CNTN3: variants seen among roughly 807,000 people sequenced by gnomAD.
The protein encoded by CNTN3 is contactin-3.
In CNTN3, 60 loss-of-function variants were observed where a neutral mutation model predicts 119.1. The ratio of observed to expected loss-of-function variants is 0.50; its 90% CI spans 0.41 to 0.62. The LOEUF (loss-of-function observed/expected upper bound fraction) is 0.62, where lower values mean the gene tolerates loss of function less well. Ranked by LOEUF, CNTN3 falls within the 20% of genes least tolerant of loss-of-function variation. The probability of loss-of-function intolerance (pLI) is 0.00; values close to 1 mark genes in which losing one functional copy is unlikely to be tolerated. For missense variants in CNTN3, 1,101 were observed against 1,242.4 expected, an observed-to-expected ratio of 0.89 and a Z score of 1.71; for synonymous variants, 450 against 438.7, an observed-to-expected ratio of 1.03 and a Z score of -0.32.
At chr3:74,580,051 G>A (rs746090255) in intron 1 of CNTN3, among the ~76,000 whole-genome samples, 1 of 152,026 alleles carries the variant, frequency 6.6e-6, no homozygotes, top group East Asian at 1.9e-4. Context: ...GGATGAAAAG[G>A]GCAACATCAC....
intron 5 of CNTN3, among the ~76,000 whole-genome samples, chr3:74,376,529 C>T (rs1559570881): frequency 6.6e-6 from 1 of 152,136 alleles, no homozygotes; most frequent in Non-Finnish European, 1.5e-5. Flanking sequence ...TCCCATCACC[C>T]CTAGATGGGG....
intron 3 of CNTN3, among the ~76,000 whole-genome samples, chr3:74,498,591 A>G (rs749386458): frequency 3.3e-5 from 5 of 151,810 alleles, no homozygotes; most frequent in Non-Finnish European, 5.9e-5. Flanking sequence ...CAAAAATACA[A>G]AACCTACCTT....
At chr3:74,341,987 C>T (rs1310545851) in intron 11 of CNTN3, among the ~76,000 whole-genome samples, 1 of 152,002 alleles carries the variant, frequency 6.6e-6, no homozygotes, top group South Asian at 2.1e-4. Context: ...CACATGAGAT[C>T]GTAATGATTA....
intron 1 of CNTN3, among the ~76,000 whole-genome samples, chr3:74,552,345 G>C (rs1407794518): frequency 6.6e-6 from 1 of 152,198 alleles, no homozygotes; most frequent in Non-Finnish European, 1.5e-5. Context: ...CTTTCGGAAA[G>C]AGTATGCCTC....
At chr3:74,560,717 A>G (rs1704139644) in intron 1 of CNTN3, among the ~76,000 whole-genome samples, 7 of 152,112 alleles carry the variant, frequency 4.6e-5, no homozygotes, top group Admixed American at 4.6e-4. Context: ...ATAAAGACAC[A>G]TGCACACATA....
chr3:74,507,037 A>ACT (rs5850181), intron 2 of CNTN3, among the ~76,000 whole-genome samples: 119,486 of 151,904 alleles, frequency 0.79, 47,205 homozygotes, highest in Middle Eastern at 0.83. Flanking sequence ...TTCATATCAA[A>ACT]CTAGTTCAAG....
At chr3:74,607,256 A>G (rs1216109555) in intron 1 of CNTN3, among the ~76,000 whole-genome samples, 1 of 152,154 alleles carries the variant, frequency 6.6e-6, no homozygotes, top group Non-Finnish European at 1.5e-5. Context: ...AGTAATTGGT[A>G]ATCAGCAACT....
chr3:74,453,969 GA>G (rs1201800287), intron 4 of CNTN3, among the ~76,000 whole-genome samples: 11 of 151,446 alleles, frequency 7.3e-5, no homozygotes, highest in African/African-American at 1.9e-4. Flanking sequence ...GTGTGGTGCT[GA>G]AAAAAATGTA....
intron 1 of CNTN3, among the ~76,000 whole-genome samples, chr3:74,562,724 T>A (rs1034780208): frequency 2.0e-5 from 3 of 152,090 alleles, no homozygotes; most frequent in African/African-American, 7.2e-5. Flanking sequence ...TCAGAATGCT[T>A]TCTCCCAAGT....
At chr3:74,483,043 A>G (rs1409269231) in intron 4 of CNTN3, among the ~76,000 whole-genome samples, 1 of 152,142 alleles carries the variant, frequency 6.6e-6, no homozygotes, top group Non-Finnish European at 1.5e-5. Context: ...ATGTGGTGTC[A>G]GGTGAAGAAT....
At chr3:74,334,637 C>A (rs886192439) in intron 13 of CNTN3, 98 bp downstream of exon 13, 16 of 1,102,140 alleles carry the variant, frequency 1.5e-5, no homozygotes, top group Non-Finnish European at 1.9e-5. Context: ...ATTTAGAAAA[C>A]ATTTCTAGAG....
chr3:74,502,131 CATCATTTTTTTCTGACAA>C (rs1703177015), intron 2 of CNTN3, among the ~76,000 whole-genome samples: 1 of 152,024 alleles, frequency 6.6e-6, no homozygotes, highest in Non-Finnish European at 1.5e-5. Context: ...GATGGGATAG[CATCATTTTTTTCTGACAA>C]ATTCTGATGT....
chr3:74,447,817 T>C (rs917926017), intron 4 of CNTN3, among the ~76,000 whole-genome samples: 1 of 152,200 alleles, frequency 6.6e-6, no homozygotes, highest in Non-Finnish European at 1.5e-5. Context: ...AGGACTCACC[T>C]GGACCCCAGG....
At chr3:74,394,931 G>T (rs1705008139) in intron 5 of CNTN3, among the ~76,000 whole-genome samples, 1 of 151,984 alleles carries the variant, frequency 6.6e-6, no homozygotes, top group Admixed American at 6.6e-5. Flanking sequence ...CTCTTTTATT[G>T]TACATTAATA....
chr3:74,287,471 A>G (rs1274237423), intron 19 of CNTN3, among the ~76,000 whole-genome samples: 1 of 152,200 alleles, frequency 6.6e-6, no homozygotes. Context: ...TATCAGAAAT[A>G]CTCTTTTAAT....
chr3:74,426,688 G>T (rs1460898480), intron 4 of CNTN3, among the ~76,000 whole-genome samples: 1 of 152,152 alleles, frequency 6.6e-6, no homozygotes, highest in African/African-American at 2.4e-5. Context: ...CAACAGAAAT[G>T]ATACAATAAC....
chr3:74,357,663 A>T (rs1319624538), intron 11 of CNTN3, among the ~76,000 whole-genome samples: 1 of 152,124 alleles, frequency 6.6e-6, no homozygotes, highest in East Asian at 1.9e-4. Flanking sequence ...CATATATAGA[A>T]TATTGGCTTA....
intron 11 of CNTN3, among the ~76,000 whole-genome samples, chr3:74,359,719 T>G (rs1201006759): frequency 2.6e-5 from 4 of 152,160 alleles, no homozygotes; most frequent in African/African-American, 9.7e-5. Flanking sequence ...AAAATTAAGA[T>G]TAAAAGCCTC....
chr3:74,510,058 T>TATAC (rs1273087814), intron 2 of CNTN3, among the ~76,000 whole-genome samples: 3 of 150,162 alleles, frequency 2.0e-5, no homozygotes, highest in Non-Finnish European at 3.0e-5. Context: ...TATATATATA[T>TATAC]ATGAAAACTT....
Sources: allele counts gnomAD v4.1 joint callset (sites outside exome capture counted in the v4.1 genomes callset), GRCh38; gene constraint gnomAD v4.1.1; transcripts MANE v1.5; gene names NCBI Gene and HGNC (gene_info 2026-07-23, HGNC 2026-07-21).